SLC16A9: variants seen among roughly 807,000 people sequenced by gnomAD.
The protein encoded by SLC16A9 is solute carrier family 16 member 9.
SLC16A9 carries 26 observed loss-of-function variants against 44.3 expected under a neutral mutation model. The observed-to-expected ratio is 0.59, with a 90% CI of 0.43 to 0.81. The LOEUF (loss-of-function observed/expected upper bound fraction) is 0.81, where lower values mean the gene tolerates loss of function less well. SLC16A9 is among the 40% of genes least tolerant of loss of function. The probability of loss-of-function intolerance (pLI) is 0.00; values close to 1 mark genes in which losing one functional copy is unlikely to be tolerated. For synonymous variants in SLC16A9, 230 were observed against 225.1 expected (o/e 1.02, Z -0.19); for missense variants, 559 against 595.8 (o/e 0.94, Z 0.64).
intron 4 of SLC16A9, among the ~76,000 whole-genome samples, chr10:59,662,633 C>CAAAAAAAAAAAAAAAAAAAAAAAAAAAAA (rs71006278): frequency 4.6e-5 from 2 of 43,628 alleles, no homozygotes; most frequent in Non-Finnish European, 4.1e-5. Flanking sequence ...AACTCCATCT[C>CAAAAAAAAAAAAAAAAAAAAAAAAAAAAA]AAAAAAAAAA....
chr10:59,652,780 T>C lies in SLC16A9; in HGVS notation c.1522A>G (p.Asn508Asp), dbSNP rs577616855. Reference protein sequence around the residue: ...PTTFLYKVASNV With the variant: ...PTTFLYKVASDV ...TGTCTTCCAATATTCTTCTAAACAT[T>C]AGAGGCAACTTTGTACAAGAAAGTT... The change falls in exon 6 of 6, where the codon AAT becomes GAT. Residue 508 changes from asparagine (N) to aspartate (D), a missense_variant. Asn to Asp is a conservative substitution (Grantham distance 23, BLOSUM62 1). Coordinates refer to ENST00000395348, the MANE Select transcript of SLC16A9 (RefSeq NM_194298.3). 6.2e-7 allele frequency: 1 copy of C among 1,609,156 alleles called. No individual in the cohort carries two copies. Among genetic ancestry groups the C allele is most frequent in the South Asian group, 1.1e-5 (1 of 89,876 alleles).
In SLC16A9 at chr10:59,672,834, G is replaced by A. The variant is rs1410221864; in HGVS notation, c.276C>T (p.Gly92=). The change falls in exon 3 of 6, where the codon GGC becomes GGT. Residue 92 remains glycine, a synonymous_variant. Coordinates refer to ENST00000395348, the MANE Select transcript of SLC16A9 (RefSeq NM_194298.3). ...TIFSGFMVAG[G]LMLSSFAPNI... ...TGGGAGCAAAACTGCTCAACATCAGGCCTCCAGCCACCATGAAGCCACTGA... is the reference window on the plus strand; with the variant it reads ...TGGGAGCAAAACTGCTCAACATCAGACCTCCAGCCACCATGAAGCCACTGA... 3 of 1,613,672 alleles carry A rather than the reference G, an allele frequency of 1.9e-6. No homozygotes were observed. The highest frequency in any genetic ancestry group is 2.5e-6 in the Non-Finnish European group (3 of 1,179,780).
At chr10:59,655,780 G>A (rs1294659339) in intron 4 of SLC16A9, among the ~76,000 whole-genome samples, 1 of 152,162 alleles carries the variant, frequency 6.6e-6, no homozygotes, top group African/African-American at 2.4e-5. Flanking sequence ...GAAAAAAATA[G>A]TCTGAAAAGG....
chr10:59,692,318 A>G (rs1243473144), intron 1 of SLC16A9, among the ~76,000 whole-genome samples: 1 of 152,094 alleles, frequency 6.6e-6, no homozygotes, highest in Non-Finnish European at 1.5e-5. Context: ...GCTATAAACC[A>G]TGGGCGAGGA....
chr10:59,674,683 A>G (rs1191607507), intron 2 of SLC16A9, among the ~76,000 whole-genome samples: 1 of 152,232 alleles, frequency 6.6e-6, no homozygotes, highest in Non-Finnish European at 1.5e-5. Context: ...TGTTGTTACC[A>G]AACTACATTG....
At chr10:59,664,368 C>A (rs1393093174) in intron 3 of SLC16A9, 46 bp from the exon 4 acceptor site, 1 of 1,311,330 alleles carries the variant, frequency 7.6e-7, no homozygotes, top group Non-Finnish European at 1.1e-6. Flanking sequence ...TGCATTACTT[C>A]AATGCAAGAG....
chr10:59,682,999 C>T (rs1335961443), intron 2 of SLC16A9, among the ~76,000 whole-genome samples: 2 of 152,018 alleles, frequency 1.3e-5, no homozygotes, highest in African/African-American at 4.8e-5. Context: ...CAATTGGAGG[C>T]ATTGCTTTTT....
At chr10:59,653,504 T>C (rs1455360109) in intron 5 of SLC16A9, among the ~76,000 whole-genome samples, 171 bp downstream of exon 5, 2 of 148,626 alleles carry the variant, frequency 1.3e-5, no homozygotes, top group Admixed American at 1.4e-4. Flanking sequence ...AGCATGCATA[T>C]TCGCTTTCTC....
intron 2 of SLC16A9, among the ~76,000 whole-genome samples, chr10:59,677,154 C>T (rs1447210646): frequency 1.3e-5 from 2 of 151,558 alleles, no homozygotes; most frequent in South Asian, 2.1e-4. Context: ...CTTACCACTG[C>T]CTGCATATTA....
intron 4 of SLC16A9, among the ~76,000 whole-genome samples, chr10:59,656,699 C>T (rs925107630): frequency 5.3e-5 from 8 of 152,158 alleles, no homozygotes; most frequent in Admixed American, 1.3e-4. Context: ...ATGTGCAGGA[C>T]GTGCAGTTTT....
At chr10:59,658,591 G>A (rs1352969038) in intron 4 of SLC16A9, among the ~76,000 whole-genome samples, 2 of 152,162 alleles carry the variant, frequency 1.3e-5, no homozygotes, top group East Asian at 1.9e-4. Context: ...TAGTACAGGT[G>A]AGACCCACTG....
chr10:59,668,911 C>T (rs1322301137), intron 3 of SLC16A9, among the ~76,000 whole-genome samples: 2 of 151,992 alleles, frequency 1.3e-5, no homozygotes, highest in Admixed American at 6.6e-5. Flanking sequence ...TCTACTAAAG[C>T]AAATATACAG....
At chr10:59,687,663 G>A (rs1035861451) in intron 1 of SLC16A9, among the ~76,000 whole-genome samples, 1 of 152,094 alleles carries the variant, frequency 6.6e-6, no homozygotes, top group Admixed American at 6.5e-5. Context: ...ACCAAATGGT[G>A]TTTACTTTAT....
chr10:59,655,849 A>C (rs527801247), intron 4 of SLC16A9, among the ~76,000 whole-genome samples: 1 of 152,228 alleles, frequency 6.6e-6, no homozygotes, highest in Admixed American at 6.5e-5. Context: ...TCAGGATGCC[A>C]ATAGGACCAA....
intron 4 of SLC16A9, among the ~76,000 whole-genome samples, chr10:59,661,689 A>T (rs577167845): frequency 6.6e-6 from 1 of 152,328 alleles, no homozygotes; most frequent in South Asian, 2.1e-4. Flanking sequence ...CCATATAGCC[A>T]AGACAATTCT....
At chr10:59,709,129 G>A (rs1181686575) in intron 1 of SLC16A9, among the ~76,000 whole-genome samples, 1 of 152,148 alleles carries the variant, frequency 6.6e-6, no homozygotes, top group African/African-American at 2.4e-5. Flanking sequence ...TCTTCCACCA[G>A]CAACCCTGGA....
At chr10:59,694,817 T>TATATATATATATATATATATATAC (rs145769219) in intron 1 of SLC16A9, among the ~76,000 whole-genome samples, 1 of 47,724 alleles carries the variant, frequency 2.1e-5, no homozygotes. Context: ...TATATATATA[T>TATATATATATATATATATATATAC]ACACACACAC....
At chr10:59,657,676 C>T (rs1389853970) in intron 4 of SLC16A9, among the ~76,000 whole-genome samples, 2 of 152,208 alleles carry the variant, frequency 1.3e-5, no homozygotes, top group Non-Finnish European at 2.9e-5. Flanking sequence ...ACACCTTCAA[C>T]ACAAATACAT....
intron 1 of SLC16A9, among the ~76,000 whole-genome samples, chr10:59,708,330 A>G (rs1840689837): frequency 6.6e-6 from 1 of 152,240 alleles, no homozygotes; most frequent in African/African-American, 2.4e-5. Flanking sequence ...GCAACAAATA[A>G]TCATCCTTTC....
Sources: gnomAD v4.1 joint callset for allele counts (sites outside exome capture counted in the v4.1 genomes callset) on GRCh38, gnomAD v4.1.1 for gene constraint, MANE v1.5 for transcripts, NCBI Gene and HGNC (gene_info 2026-07-23, HGNC 2026-07-21) for gene names.